Variants in ZNF778 observed in about 807,000 individuals in gnomAD.
ZNF778 encodes the protein zinc finger protein 778.
Under a neutral mutation model 23.9 loss-of-function variants are expected in ZNF778, and 37 were observed. The observed-to-expected ratio is 1.54, with a 90% confidence interval of 1.19 to 2.03. The LOEUF is 2.03. Among genes scored for constraint, ZNF778 ranks in the 30% most tolerant of loss-of-function variants. The pLI is 0.00. For synonymous variants in ZNF778, 483 were observed against 343.9 expected, an observed-to-expected ratio of 1.40 and a Z score of -4.48; for missense variants, 1,297 against 934.4, an observed-to-expected ratio of 1.39 and a Z score of -5.06.
At chr16:89,219,199 C>G (rs562202202) in intron 1 of ZNF778, among the ~76,000 whole-genome samples, 1 of 152,336 alleles carries the variant, frequency 6.6e-6, no homozygotes, top group East Asian at 1.9e-4. Flanking sequence ...CAACATTGCG[C>G]TGTTGGGTAT....
rs55659257 is a variant in ZNF778, at chr16:89,235,994, TAAA to T, written c.*7448_*7450del. The T allele has an allele frequency of 2.9e-3, 394 of 134,728 alleles. No homozygotes were observed. Among genetic ancestry groups the T allele is most frequent in the Middle Eastern group, 3.6e-3 (1 of 278 alleles). The allele number at this position is 134,728 out of a possible 1,614,324, so 8.3% of individuals were successfully genotyped here. A position where few individuals can be genotyped will look rare whatever the true frequency, so the allele number is the denominator to read the frequency against. ...CAACACAGTGAAACCTCGTCTCTAG[TAAA>T]AAAAAAAAAAAAAAAGAAAAATACA... On this transcript the variant is annotated 3_prime_UTR_variant, in exon 7 of 7. Transcript: ENST00000433976.
chr16:89,233,450 ACT>A lies in ZNF778; in HGVS notation c.*4890_*4891del, dbSNP rs1243071359. 3.3e-6 allele frequency: 4 copies of A among 1,229,948 alleles called. No homozygotes were observed. The highest frequency in any genetic ancestry group is 3.2e-5 in the African/African-American group (2 of 62,544). The allele number at this position is 1,229,948 out of a possible 1,614,324, so 76.2% of individuals were successfully genotyped here. A position where few individuals can be genotyped will look rare whatever the true frequency, so the allele number is the denominator to read the frequency against. On this transcript the variant is annotated 3_prime_UTR_variant, in exon 7 of 7. Coordinates refer to ENST00000433976, the MANE Select transcript of ZNF778 (RefSeq NM_001201407.2). ...CAACTCAACTCGCACTGCGTGTGCAACTCAACTCGCACTGCGTGTGCAACTCA... is the reference window on the plus strand; with the variant it reads ...CAACTCAACTCGCACTGCGTGTGCAACAACTCGCACTGCGTGTGCAACTCA...
chr16:89,234,000 C>G lies in ZNF778; in HGVS notation c.*5438C>G. ...CCAGACTTCATCCTGCCCTGTCCTG[C>G]CTTTCCTGTGAAAACCCTGTGGCCT... On this transcript the variant is annotated 3_prime_UTR_variant, in exon 7 of 7. Coordinates refer to ENST00000433976, the MANE Select transcript of ZNF778 (RefSeq NM_001201407.2). 8.4e-7 allele frequency: 1 copy of G among 1,196,614 alleles called. No individual in the cohort carries two copies. The allele number at this position is 1,196,614 out of a possible 1,614,324, so 74.1% of individuals were successfully genotyped here.
intron 4 of ZNF778, among the ~76,000 whole-genome samples, chr16:89,223,884 C>T (rs538584489): frequency 0.02 from 2,946 of 149,792 alleles, 118 homozygotes; most frequent in East Asian, 0.16. Flanking sequence ...AAAAAAAAAA[C>T]AAACGTAGTT....
chr16:89,228,999 T>G lies in ZNF778; in HGVS notation c.*437T>G. 1 of 994,396 alleles carries G rather than the reference T, an allele frequency of 1.0e-6. No homozygotes were observed. The highest frequency in any genetic ancestry group is 1.2e-6 in the Non-Finnish European group (1 of 836,088). 61.6% of individuals were successfully genotyped at this position (994,396 alleles called of 1,614,324 possible). ...GTATGGAAGATAGCAGTCGCTTCCCTGTGTTCTAAAACCTTGTGGGCTAAC... is the reference window on the plus strand; with the variant it reads ...GTATGGAAGATAGCAGTCGCTTCCCGGTGTTCTAAAACCTTGTGGGCTAAC... On this transcript the variant is annotated 3_prime_UTR_variant, in exon 7 of 7. Coordinates refer to ENST00000433976, the MANE Select transcript of ZNF778 (RefSeq NM_001201407.2).
Position 89,229,018 on chromosome 16 carries a change from G to A in ZNF778, c.*456G>A. ...CTTCCCTGTGTTCTAAAACCTTGTG[G>A]GCTAACTTGAGACATGTCTTTCTGG... On this transcript the variant is annotated 3_prime_UTR_variant, in exon 7 of 7. Coordinates refer to ENST00000433976, the MANE Select transcript of ZNF778 (RefSeq NM_001201407.2). The A allele has an allele frequency of 1.0e-6, 1 of 992,114 alleles. No individual in the cohort carries two copies. The highest frequency in any genetic ancestry group is 1.2e-6 in the Non-Finnish European group (1 of 834,368). The allele number at this position is 992,114 out of a possible 1,614,324, so 61.5% of individuals were successfully genotyped here.
chr16:89,218,035 AC>A (rs2030515962), intron 1 of ZNF778, 125 bp downstream of exon 1: 1 of 151,522 alleles, frequency 6.6e-6, no homozygotes, highest in Non-Finnish European at 1.5e-5. Flanking sequence ...CGTAAGGTAG[AC>A]CCCTGAGCGC....
rs148636931 is a variant in ZNF778 at position 89,228,602 on chromosome 16, C to T, written c.*40C>T. On this transcript the variant is annotated 3_prime_UTR_variant, in exon 7 of 7. Coordinates refer to ENST00000433976, the MANE Select transcript of ZNF778 (RefSeq NM_001201407.2). ...GGAAGCTGTCAGCTACACTCATTCA[C>T]GTTGAAGACATGAAAGACCTCTCGT... 219 of 1,530,780 alleles carry T rather than the reference C, an allele frequency of 1.4e-4. No individual in the cohort carries two copies. The highest frequency in any genetic ancestry group is 4.2e-4 in the African/African-American group (30 of 72,122). The allele number at this position is 1,530,780 out of a possible 1,614,324, so 94.8% of individuals were successfully genotyped here.
At position 89,221,244 on chromosome 16, in the gene ZNF778, C is replaced by T. The variant is rs566128666; in HGVS notation, c.25+92C>T. On this transcript the variant is annotated intron_variant, in intron 2 of 6. Coordinates refer to ENST00000433976, the MANE Select transcript of ZNF778 (RefSeq NM_001201407.2). ...GGCCCATGGACGGGGCCTGAGTAGT[C>T]ACGCTCCGGGTTCCTATTGCAGCTG... 2.0e-5 allele frequency: 29 copies of T among 1,414,748 alleles called. No individual in the cohort carries two copies. In the Admixed American group the frequency reaches 2.9e-4, roughly 14 times the overall value. 87.6% of individuals were successfully genotyped at this position (1,414,748 alleles called of 1,614,324 possible). A position where few individuals can be genotyped will look rare whatever the true frequency, so the allele number is the denominator to read the frequency against.
chr16:89,228,161 G>A lies in ZNF778; in HGVS notation c.1873G>A (p.Ala625Thr). The A allele has an allele frequency of 1.2e-6, 2 of 1,613,478 alleles. No individual in the cohort carries two copies. The highest frequency in any genetic ancestry group is 1.7e-6 in the Non-Finnish European group (2 of 1,179,612). Reference sequence around the variant, plus strand: ...TTATGAATGTAAAGTATGCGGAAAGGCCTTCACCACATCCTCACACCTTAT... The same window carrying A: ...TTATGAATGTAAAGTATGCGGAAAGACCTTCACCACATCCTCACACCTTAT... ...KPYECKVCGKAFTTSSHLIVH... is the reference protein window; with the variant it reads ...KPYECKVCGKTFTTSSHLIVH... Residue 625 changes from alanine (A) to threonine (T), a missense_variant, in exon 7 of 7, where the codon GCC (alanine) becomes ACC (threonine). Transcript: ENST00000433976.
At position 89,232,558 on chromosome 16, in the gene ZNF778, C is replaced by G; in HGVS notation, c.*3996C>G. On this transcript the variant is annotated 3_prime_UTR_variant, in exon 7 of 7. Transcript: ENST00000433976. ...TGTGTCACTTAGGGCAACTTATGCC[C>G]TCCTGTGTGAAAATCTCCACTCCCA... 1 of 1,104,282 alleles carries G rather than the reference C, an allele frequency of 9.1e-7. No individual in the cohort carries two copies. Among genetic ancestry groups the G allele is most frequent in the Non-Finnish European group, 1.2e-6 (1 of 865,584 alleles). The allele number at this position is 1,104,282 out of a possible 1,614,324, so 68.4% of individuals were successfully genotyped here.
chr16:89,227,953 C>A lies in ZNF778; in HGVS notation c.1665C>A (p.His555Gln), dbSNP rs775215135. The A allele has an allele frequency of 4.4e-6, 7 of 1,590,014 alleles. No homozygotes were observed. The highest frequency in any genetic ancestry group is 3.3e-4 in the Middle Eastern group (2 of 5,996). The change falls in exon 7 of 7, where the codon CAC becomes CAA. Residue 555 changes from histidine to glutamine, a missense_variant. Transcript: ENST00000433976. ...TACTGAATGAGCATGTGAAAACTCA[C>A]ACAGAGGAGAAGCCCTTTATATGTA... ...VYLLNEHVKT[H>Q]TEEKPFICTV...
At position 89,226,759 on chromosome 16, in the gene ZNF778, C is replaced by G. The variant is rs766217791; in HGVS notation, c.471C>G (p.His157Gln). 1.2e-6 allele frequency: 2 copies of G among 1,613,998 alleles called. No individual in the cohort carries two copies. Among genetic ancestry groups the G allele is most frequent in the Non-Finnish European group, 8.5e-7 (1 of 1,179,898 alleles). ...AGTGTGGAGAAGCTTTCAGTGAACACTCAGGCCTCAGCACACACGTGAGAA... is the reference window on the plus strand; with the variant it reads ...AGTGTGGAGAAGCTTTCAGTGAACAGTCAGGCCTCAGCACACACGTGAGAA... ...RTQCGEAFSE[H>Q]SGLSTHVRTQ... is the part of the protein sequence containing the mutation. The change falls in exon 7 of 7, where the codon CAC (histidine) becomes CAG (glutamine). Residue 157 changes from histidine (H) to glutamine (Q), a missense_variant. Transcript: ENST00000433976.
In ZNF778 at chr16:89,226,692, A is replaced by C. The variant is rs201811472; in HGVS notation, c.406-2A>C. On this transcript the variant is annotated splice_acceptor_variant, in intron 6 of 6. Coordinates refer to ENST00000433976, the MANE Select transcript of ZNF778 (RefSeq NM_001201407.2). LOFTEE classifies it high-confidence loss of function. The stretch of plus-strand genomic sequence containing the variant: ...TGACCACCACTCATTCTTCACCAAC[A>C]GGCAAGAAGCCACAATGGAGGGCAG... 3.0e-5 allele frequency: 48 copies of C among 1,604,328 alleles called. No individual in the cohort carries two copies. The highest frequency in any genetic ancestry group is 4.1e-5 in the Non-Finnish European group (48 of 1,173,910).
intron 1 of ZNF778, among the ~76,000 whole-genome samples, 162 bp from the exon 2 acceptor site, chr16:89,220,835 T>A (rs1480304830): frequency 1.3e-5 from 2 of 152,228 alleles, no homozygotes; most frequent in East Asian, 3.8e-4. Context: ...TTCTGTTGTG[T>A]CTTTTGACCC....
In ZNF778 at chr16:89,230,489, C is replaced by T. The variant is rs1004942647; in HGVS notation, c.*1927C>T. The T allele has an allele frequency of 2.0e-5, 3 of 152,280 alleles. No homozygotes were observed. Among genetic ancestry groups the T allele is most frequent in the African/African-American group, 2.4e-5 (1 of 41,450 alleles). 9.4% of individuals were successfully genotyped at this position (152,280 alleles called of 1,614,324 possible). A position where few individuals can be genotyped will look rare whatever the true frequency, so the allele number is the denominator to read the frequency against. Reference sequence around the variant, plus strand: ...CTGCTGTGATCCGGCATTCATGGGGCAGCTGCTGCGACCCGGCACTCCTGG... The same window carrying T: ...CTGCTGTGATCCGGCATTCATGGGGTAGCTGCTGCGACCCGGCACTCCTGG... On this transcript the variant is annotated 3_prime_UTR_variant, in exon 7 of 7. Coordinates refer to ENST00000433976, the MANE Select transcript of ZNF778 (RefSeq NM_001201407.2).
At chr16:89,219,560 G>T (rs2030712998) in intron 1 of ZNF778, among the ~76,000 whole-genome samples, 1 of 152,206 alleles carries the variant, frequency 6.6e-6, no homozygotes, top group Admixed American at 6.5e-5. Flanking sequence ...CTGCATAGAT[G>T]ACCGTTTAGA....
rs895237781 is a variant in ZNF778 at position 89,234,117 on chromosome 16, C to G, written c.*5555C>G. The G allele has an allele frequency of 6.1e-5, 30 of 493,146 alleles. No individual in the cohort carries two copies. Among genetic ancestry groups the G allele is most frequent in the Non-Finnish European group, 9.5e-5 (25 of 264,152 alleles). The allele number at this position is 493,146 out of a possible 1,614,324, so 30.5% of individuals were successfully genotyped here. On this transcript the variant is annotated 3_prime_UTR_variant, in exon 7 of 7. Coordinates refer to ENST00000433976, the MANE Select transcript of ZNF778 (RefSeq NM_001201407.2). ...AGTGATGTGCCGCCTTCTCTTGACA[C>G]TGTGAGTGATAAACTTTCCATGTCA... is the stretch of plus-strand genomic sequence containing the variant.
chr16:89,224,842 C>A, intron 5 of ZNF778, 40 bp downstream of exon 5: 2 of 1,396,412 alleles, frequency 1.4e-6, no homozygotes, highest in Non-Finnish European at 2.0e-6. Context: ...TCAAGTTTAG[C>A]AGCTGTGGGA....
Sources: gnomAD v4.1 joint callset for allele counts (sites outside exome capture counted in the v4.1 genomes callset) on GRCh38, gnomAD v4.1.1 for gene constraint, MANE v1.5 for transcripts, NCBI Gene and HGNC (gene_info 2026-07-23, HGNC 2026-07-21) for gene names.